The following VWA3B variants were observed in gnomAD, a reference collection of about 807,000 sequenced individuals.
VWA3B encodes the protein von Willebrand factor A domain containing 3B.
Under a neutral mutation model 158.3 loss-of-function variants are expected in VWA3B, and 138 were observed. The observed-to-expected ratio is 0.87, with a 90% CI of 0.76 to 1.00. The LOEUF (loss-of-function observed/expected upper bound fraction) is 1.00, where lower values mean the gene tolerates loss of function less well. Ranked by LOEUF, VWA3B falls within the 50% of genes least tolerant of loss-of-function variation. The pLI is 0.00. For synonymous variants in VWA3B, 596 were observed against 587.3 expected (o/e 1.01, Z -0.21); for missense variants, 1,555 against 1,565.1 (o/e 0.99, Z 0.11).
In VWA3B at chr2:98,195,651, T is replaced by C. The variant is rs140489911; in HGVS notation, c.1737+1159T>C. ...CCTTGTTAACTCAGAGCCTACTAAT[T>C]TAGGGTTTATGATAACAAGATATTA... On this transcript the variant is annotated intron_variant, in intron 12 of 27. Coordinates refer to ENST00000477737, the MANE Select transcript of VWA3B (RefSeq NM_144992.5). 2.3e-3 allele frequency among the ~76,000 whole-genome samples: 344 copies of C among 152,258 alleles called. 1 individual carries two copies. The highest frequency in any genetic ancestry group is 7.6e-3 in the African/African-American group (317 of 41,562).
chr2:98,206,378 G>C (rs11895654), intron 12 of VWA3B: 124,798 of 226,878 alleles, frequency 0.55, 35,491 homozygotes, highest in South Asian at 0.79. Flanking sequence ...AGTTTGATGA[G>C]GGACTACCAT....
At chr2:98,139,431 G>C (rs1317153189) in intron 7 of VWA3B, among the ~76,000 whole-genome samples, 2 of 152,274 alleles carry the variant, frequency 1.3e-5, no homozygotes, top group East Asian at 1.9e-4. Flanking sequence ...TGAAGCCCCT[G>C]TGTGGGATCC....
At chr2:98,256,966 T>C (rs958452950) in intron 21 of VWA3B, among the ~76,000 whole-genome samples, 1 of 152,162 alleles carries the variant, frequency 6.6e-6, no homozygotes, top group African/African-American at 2.4e-5. Flanking sequence ...GTTGTCTCTT[T>C]TAGCTATTTT....
chr2:98,212,615 A>G (rs982449812), intron 13 of VWA3B, among the ~76,000 whole-genome samples: 1 of 152,212 alleles, frequency 6.6e-6, no homozygotes, highest in Non-Finnish European at 1.5e-5. Context: ...CGTAATGTAA[A>G]TTAACAGCTA....
intron 2 of VWA3B, among the ~76,000 whole-genome samples, chr2:98,105,656 G>T (rs1029712464): frequency 6.6e-6 from 1 of 151,862 alleles, no homozygotes; most frequent in Non-Finnish European, 1.5e-5. Context: ...TAAGCCCAGG[G>T]TATCAAGGTT....
At chr2:98,172,867 A>G (rs1679712786) in intron 8 of VWA3B, among the ~76,000 whole-genome samples, 1 of 152,198 alleles carries the variant, frequency 6.6e-6, no homozygotes, top group African/African-American at 2.4e-5. Context: ...ATGTAGGTGG[A>G]GAATTCAGAT....
chr2:98,127,082 T>G (rs1216477653), intron 5 of VWA3B, among the ~76,000 whole-genome samples: 3 of 151,318 alleles, frequency 2.0e-5, no homozygotes, highest in African/African-American at 7.3e-5. Context: ...AAGGAGAGGG[T>G]CATGAATCCT....
intron 21 of VWA3B, among the ~76,000 whole-genome samples, chr2:98,264,229 C>G: frequency 6.6e-6 from 1 of 150,858 alleles, no homozygotes; most frequent in East Asian, 1.9e-4. Flanking sequence ...TTTCTATACT[C>G]TATTTCTAAT....
intron 6 of VWA3B, among the ~76,000 whole-genome samples, chr2:98,132,264 C>T (rs774770902): frequency 2.0e-5 from 3 of 152,234 alleles, no homozygotes; most frequent in African/African-American, 7.2e-5. Context: ...TAACCCATCA[C>T]GAGTAGTGCC....
At chr2:98,314,983 C>CAA (rs1247032638), downstream of VWA3B, among the ~76,000 whole-genome samples, 5 of 104,590 alleles carry the variant, frequency 4.8e-5, no homozygotes, top group Admixed American at 2.1e-4. Context: ...GAGTCCATCT[C>CAA]AAAAAAAAAA....
chr2:98,327,215 C>T, the VWA3B span, among the ~76,000 whole-genome samples: 2 of 151,922 alleles, frequency 1.3e-5, no homozygotes, highest in Non-Finnish European at 2.9e-5. Context: ...ATCACTTGAG[C>T]CAGGGAGGTT....
In VWA3B at chr2:98,217,977, C is replaced by T. The variant is rs1397990877; in HGVS notation, c.1968C>T (p.Phe656=). ...TTGCTGCTTTGACTGGAGGAGAGTTCCATTTTTATAATTTTGGTTGCAAGG... is the reference window on the plus strand; with the variant it reads ...TTGCTGCTTTGACTGGAGGAGAGTTTCATTTTTATAATTTTGGTTGCAAGG... ...KEVAALTGGE[F]HFYNFGCKDP... is the part of the protein sequence containing the mutation. Residue 656 remains phenylalanine (F), a synonymous_variant, in exon 14 of 28, where the codon TTC becomes TTT. Transcript: ENST00000477737. The T allele has an allele frequency of 6.2e-7, 1 of 1,612,942 alleles. No homozygotes were observed. The highest frequency in any genetic ancestry group is 8.5e-7 in the Non-Finnish European group (1 of 1,179,542).
intron 7 of VWA3B, among the ~76,000 whole-genome samples, chr2:98,150,859 A>G (rs1293749463): frequency 6.6e-6 from 1 of 152,162 alleles, no homozygotes; most frequent in Non-Finnish European, 1.5e-5. Context: ...GGACTGACAT[A>G]TATCCTCCCT....
At chr2:98,143,636 TA>T (rs1182303233) in intron 7 of VWA3B, among the ~76,000 whole-genome samples, 1 of 151,584 alleles carries the variant, frequency 6.6e-6, no homozygotes, top group Non-Finnish European at 1.5e-5. Context: ...TATAGTAAAA[TA>T]AAAAAAACCT....
intron 14 of VWA3B, among the ~76,000 whole-genome samples, chr2:98,222,917 T>C (rs966276913): frequency 1.3e-5 from 2 of 151,972 alleles, no homozygotes; most frequent in African/African-American, 4.8e-5. Flanking sequence ...AGGAAATACC[T>C]AGGATCCAGT....
At chr2:98,116,019 G>GA (rs202197798) in intron 3 of VWA3B, among the ~76,000 whole-genome samples, 13 of 150,884 alleles carry the variant, frequency 8.6e-5, no homozygotes, top group African/African-American at 2.2e-4. Flanking sequence ...GAAAATAAAG[G>GA]AAAAAAAAAT....
intron 9 of VWA3B, among the ~76,000 whole-genome samples, chr2:98,184,731 G>T (rs1464001865): frequency 1.3e-5 from 2 of 152,204 alleles, no homozygotes; most frequent in Non-Finnish European, 2.9e-5. Flanking sequence ...AGCCCTCCCT[G>T]CAGCCCTCTG....
At chr2:98,186,810 A>G (rs1681105116) in intron 9 of VWA3B, among the ~76,000 whole-genome samples, 2 of 151,914 alleles carry the variant, frequency 1.3e-5, no homozygotes, top group Non-Finnish European at 2.9e-5. Flanking sequence ...TAAAGCTGTG[A>G]AACCCTAAAT....
At chr2:98,232,010 T>C (rs1279495404) in intron 16 of VWA3B, among the ~76,000 whole-genome samples, 1 of 152,216 alleles carries the variant, frequency 6.6e-6, no homozygotes, top group Non-Finnish European at 1.5e-5. Flanking sequence ...GCTAATAGTG[T>C]CCTCACCAAG....
Sources: allele counts gnomAD v4.1 joint callset (sites outside exome capture counted in the v4.1 genomes callset), GRCh38; gene constraint gnomAD v4.1.1; transcripts MANE v1.5; gene names NCBI Gene and HGNC (gene_info 2026-07-23, HGNC 2026-07-21).